Variants in PZP observed in about 807,000 individuals in gnomAD.
The protein encoded by PZP is pregnancy zone protein.
In PZP, 150 loss-of-function variants were observed where a neutral mutation model predicts 179.8. The ratio of observed to expected loss-of-function variants is 0.83; its 90% confidence interval spans 0.73 to 0.96. PZP has a LOEUF of 0.96. Ranked by LOEUF, PZP falls within the 40% of genes least tolerant of loss-of-function variation. PZP has a pLI of 0.00. For synonymous variants in PZP, 624 were observed against 652.3 expected (o/e 0.96, Z 0.66); for missense variants, 1,689 against 1,764.0 (o/e 0.96, Z 0.76).
At chr12:9,169,662 A>G in intron 15 of PZP, 71 bp from the exon 16 acceptor site, 1 of 1,357,342 alleles carries the variant, frequency 7.4e-7, no homozygotes, top group South Asian at 1.8e-5. Flanking sequence ...AACTGAGAGA[A>G]ATAAAATAAT....
Position 9,196,784 on chromosome 12 carries a change from G to A in PZP, c.868-99C>T, listed in dbSNP as rs749791426. On this transcript the variant is annotated intron_variant, in intron 8 of 35. Coordinates refer to ENST00000261336, the MANE Select transcript of PZP (RefSeq NM_002864.3). ...CTAATGACAAGAAAACTTTTTTTTT[G>A]CATTAAGTAAGTTAATTGACCTTCG... 10 of 885,132 alleles carry A rather than the reference G, an allele frequency of 1.1e-5. No homozygotes were observed. The African/African-American group carries it at 1.4e-4, about 12-fold the overall frequency. 54.8% of individuals were successfully genotyped at this position (885,132 alleles called of 1,614,324 possible).
In PZP at chr12:9,185,790, A is replaced by ATTTCTTTTCT. The variant is rs71045238; in HGVS notation, c.1547-3683_1547-3674dup. On this transcript the variant is annotated intron_variant, in intron 13 of 35. Coordinates refer to ENST00000261336, the MANE Select transcript of PZP (RefSeq NM_002864.3). ...AAGAGATTTGGGGCCTATGTTCAAC[A>ATTTCTTTTCT]TTTCTTTTCTTTTCTTTTCTTTTCT... Among the ~76,000 whole-genome samples, 292 of 134,318 alleles carry ATTTCTTTTCT rather than the reference A, an allele frequency of 2.2e-3. 6 individuals carry two copies. Among genetic ancestry groups the ATTTCTTTTCT allele is most frequent in the South Asian group, 0.021 (86 of 4,122 alleles). 88.1% of individuals were successfully genotyped at this position (134,318 alleles called of 152,430 possible).
chr12:9,149,479 C>T, intron 35 of PZP, 82 bp downstream of exon 35: 1 of 1,377,800 alleles, frequency 7.3e-7, no homozygotes, highest in Non-Finnish European at 1.0e-6. Context: ...TAGGAAAAGC[C>T]TTGTAGAGAA....
chr12:9,154,392 C>T (rs903522273), intron 29 of PZP, among the ~76,000 whole-genome samples: 4 of 152,112 alleles, frequency 2.6e-5, no homozygotes, highest in Admixed American at 2.0e-4. Context: ...TAAAGATGCT[C>T]GTTGTACGTC....
chr12:9,148,675 A>G (rs1940136321), downstream of PZP, among the ~76,000 whole-genome samples: 1 of 151,890 alleles, frequency 6.6e-6, no homozygotes, highest in East Asian at 1.9e-4. Context: ...ACCTTTCTCA[A>G]CTGAATTTTC....
At chr12:9,149,776 C>G (rs1196372823) in intron 34 of PZP, among the ~76,000 whole-genome samples, 174 bp from the exon 35 acceptor site, 1 of 152,140 alleles carries the variant, frequency 6.6e-6, no homozygotes, top group African/African-American at 2.4e-5. Context: ...TATTCTCTTT[C>G]CCTGAGACTG....
chr12:9,205,852 AT>A (rs1397388695), intron 1 of PZP, among the ~76,000 whole-genome samples: 1 of 152,202 alleles, frequency 6.6e-6, no homozygotes, highest in Non-Finnish European at 1.5e-5. Context: ...TCCAAGGATA[AT>A]TGAGTTGTGG....
chr12:9,159,894 T>C (rs1415937296), intron 25 of PZP, 44 bp downstream of exon 25: 1 of 1,512,994 alleles, frequency 6.6e-7, no homozygotes, highest in African/African-American at 1.4e-5. Flanking sequence ...TATGTGCACG[T>C]TCTGAACTCA....
chr12:9,196,719 C>T, intron 8 of PZP, 34 bp from the exon 9 acceptor site: 2 of 1,503,296 alleles, frequency 1.3e-6, no homozygotes, highest in East Asian at 2.3e-5. Context: ...AAATGTCAAA[C>T]TGATTGAGAT....
At chr12:9,200,138 T>C (rs907382124) in intron 7 of PZP, among the ~76,000 whole-genome samples, 11 of 152,302 alleles carry the variant, frequency 7.2e-5, no homozygotes, top group African/African-American at 2.6e-4. Flanking sequence ...AAGCAAAATA[T>C]ATGATGAAAC....
chr12:9,193,567 G>A (rs1465264863), intron 11 of PZP, among the ~76,000 whole-genome samples: 1 of 152,096 alleles, frequency 6.6e-6, no homozygotes, highest in African/African-American at 2.4e-5. Context: ...GAGTTAACAC[G>A]TGAAACTGAG....
At chr12:9,143,995 T>C (rs1463255320), downstream of PZP, among the ~76,000 whole-genome samples, 3 of 152,238 alleles carry the variant, frequency 2.0e-5, no homozygotes, top group Non-Finnish European at 4.4e-5. Flanking sequence ...AGATTTCTTC[T>C]AGCCTAGTCC....
rs778501303 is a variant in PZP at position 9,163,553 on chromosome 12, T to C, written c.2736+115A>G. The stretch of plus-strand genomic sequence containing the variant: ...AATGCTTTTAGGGCAGGAAATTCCA[T>C]TAGTCTTACAGGATGTATTGTGTGA... On this transcript the variant is annotated intron_variant, in intron 21 of 35. Transcript: ENST00000261336. 3 of 1,197,500 alleles carry C rather than the reference T, an allele frequency of 2.5e-6. No homozygotes were observed. The African/African-American group carries it at 4.6e-5, about 18-fold the overall frequency. The allele number at this position is 1,197,500 out of a possible 1,614,324, so 74.2% of individuals were successfully genotyped here. A position where few individuals can be genotyped will look rare whatever the true frequency, so the allele number is the denominator to read the frequency against.
rs773630581 is a variant in PZP, at chr12:9,150,733, G to A, written c.4295C>T (p.Thr1432Met). Residue 1432 changes from threonine to methionine, a missense_variant, in exon 34 of 36, where the codon ACG (threonine) becomes ATG (methionine). This residue lies in a region of PZP where 746 missense variants were observed against 749.2 expected (regional missense o/e 1.00). Transcript: ENST00000261336. Reference protein sequence around the residue: ...LIYVEQVTNQTLSFSFMVLQD... With the variant: ...LIYVEQVTNQMLSFSFMVLQD... ...CAGAACCATGAAGGAAAAACTTAGC[G>A]TCTGATTTGTCACCTGAAAGGAAAA... is the stretch of plus-strand genomic sequence containing the variant. 50 of 1,610,488 alleles carry A rather than the reference G, an allele frequency of 3.1e-5. No individual in the cohort carries two copies. In the Middle Eastern group the frequency reaches 5.0e-4, roughly 16 times the overall value.
chr12:9,162,739 A>G, intron 21 of PZP, 91 bp from the exon 22 acceptor site: 1 of 1,038,386 alleles, frequency 9.6e-7, no homozygotes, highest in Non-Finnish European at 1.4e-6. Context: ...GGTAGGGTTT[A>G]CACGAATGAT....
intron 15 of PZP, among the ~76,000 whole-genome samples, chr12:9,180,580 G>A (rs1592511695): frequency 1.3e-5 from 2 of 152,038 alleles, no homozygotes; most frequent in African/African-American, 2.4e-5. Context: ...ATGGTGCTGG[G>A]AAAACTGGCT....
At position 9,153,173 on chromosome 12, in the gene PZP, A is replaced by G. The variant is rs143248375; in HGVS notation, c.3945T>C (p.Pro1315=). 3.2e-5 allele frequency: 51 copies of G among 1,614,094 alleles called. No individual in the cohort carries two copies. Among genetic ancestry groups the G allele is most frequent in the African/African-American group, 5.3e-5 (4 of 74,934 alleles). Residue 1315 remains proline (P), a synonymous_variant, in exon 30 of 36, where the codon CCT becomes CCC. Coordinates refer to ENST00000261336, the MANE Select transcript of PZP (RefSeq NM_002864.3). ...CAGTTACTGTTATGACATATTCTCC[A>G]GGGAGCTCTGGCAATGAGATCTGCT... ...LLQQISLPEL[P]GEYVITVTGE...
chr12:9,197,059 C>A lies in PZP; in HGVS notation c.820G>T (p.Val274Phe). 6.2e-7 allele frequency: 1 copy of A among 1,613,700 alleles called. No individual in the cohort carries two copies. Among genetic ancestry groups the A allele is most frequent in the Non-Finnish European group, 8.5e-7 (1 of 1,179,814 alleles). The change falls in exon 8 of 36, where the codon GTT becomes TTT. Residue 274 changes from valine (V) to phenylalanine (F), a missense_variant. Val to Phe is a conservative substitution (Grantham distance 50). This residue lies in a region of PZP where 742 missense variants were observed against 730.5 expected (regional missense o/e 1.02). Transcript: ENST00000261336. ...TVSLCRKLSRVLNCDKQEVCE... is the reference protein window; with the variant it reads ...TVSLCRKLSRFLNCDKQEVCE... ...ACCTCCTGCTTGTCACAATTAAGAA[C>A]ACGAGATAATTTTCTACACAGGCTC...
chr12:9,140,540 T>C, the PZP span, among the ~76,000 whole-genome samples: 3 of 152,240 alleles, frequency 2.0e-5, no homozygotes, highest in Admixed American at 2.0e-4. Context: ...TTATACTTGG[T>C]TTAATTATTT....
Sources: gnomAD v4.1 joint callset for allele counts (sites outside exome capture counted in the v4.1 genomes callset) on GRCh38, gnomAD v4.1.1 for gene constraint, gnomAD v4.1.1 regional missense constraint, MANE v1.5 for transcripts, NCBI Gene and HGNC (gene_info 2026-07-23, HGNC 2026-07-21) for gene names.